ZNF660: variants seen among roughly 807,000 people sequenced by gnomAD.
ZNF660 encodes zinc finger protein 660.
A neutral mutation model predicts 23.2 loss-of-function variants in ZNF660; 24 were observed. The observed-to-expected ratio is 1.04, with a 90% CI of 0.75 to 1.46. The LOEUF is 1.46. ZNF660 is among the 40% of genes most tolerant of loss of function. ZNF660 has a pLI of 0.00. For missense variants in ZNF660, 373 were observed against 396.8 expected, an observed-to-expected ratio of 0.94 and a Z score of 0.51; for synonymous variants, 117 against 131.4, an observed-to-expected ratio of 0.89 and a Z score of 0.75.
In ZNF660 at chr3:44,599,551, A is replaced by C. The variant is rs764887936; in HGVS notation, c.*4362A>C. ...TGATTGTTTTTTCCATTTAATATAAAATTTAAAAGATGCCCATATTGTCAG... is the reference window on the plus strand; with the variant it reads ...TGATTGTTTTTTCCATTTAATATAACATTTAAAAGATGCCCATATTGTCAG... On this transcript the variant is annotated 3_prime_UTR_variant, in exon 3 of 3. Coordinates refer to ENST00000322734, the MANE Select transcript of ZNF660 (RefSeq NM_173658.4). The C allele has an allele frequency of 6.6e-6, 1 of 152,188 alleles. No individual in the cohort carries two copies. The highest frequency in any genetic ancestry group is 1.5e-5 in the Non-Finnish European group (1 of 68,040). The allele number at this position is 152,188 out of a possible 1,614,324, so 9.4% of individuals were successfully genotyped here. A position where few individuals can be genotyped will look rare whatever the true frequency, so the allele number is the denominator to read the frequency against.
At chr3:44,589,649 T>A (rs1434628078) in intron 2 of ZNF660, among the ~76,000 whole-genome samples, 1 of 152,148 alleles carries the variant, frequency 6.6e-6, no homozygotes, top group Non-Finnish European at 1.5e-5. Flanking sequence ...AAAAAGAATA[T>A]AGAATGGAGA....
In ZNF660 at chr3:44,596,306, T is replaced by C. The variant is rs1700606277; in HGVS notation, c.*1117T>C. The C allele has an allele frequency of 6.6e-6, 1 of 152,192 alleles. No individual in the cohort carries two copies. The highest frequency in any genetic ancestry group is 1.5e-5 in the Non-Finnish European group (1 of 68,034). 9.4% of individuals were successfully genotyped at this position (152,192 alleles called of 1,614,324 possible). Reference sequence around the variant, plus strand: ...AGACCTGTGTGTAAAAAAGGAACAATTACCTACCTTACAAGGTTGTTGTGA... The same window carrying C: ...AGACCTGTGTGTAAAAAAGGAACAACTACCTACCTTACAAGGTTGTTGTGA... On this transcript the variant is annotated 3_prime_UTR_variant, in exon 3 of 3. Coordinates refer to ENST00000322734, the MANE Select transcript of ZNF660 (RefSeq NM_173658.4).
At position 44,599,249 on chromosome 3, in the gene ZNF660, T is replaced by C. The variant is rs1700719380; in HGVS notation, c.*4060T>C. 1 of 152,128 alleles carries C rather than the reference T, an allele frequency of 6.6e-6. No individual in the cohort carries two copies. The highest frequency in any genetic ancestry group is 6.5e-5 in the Admixed American group (1 of 15,274). The allele number at this position is 152,128 out of a possible 1,614,324, so 9.4% of individuals were successfully genotyped here. A position where few individuals can be genotyped will look rare whatever the true frequency, so the allele number is the denominator to read the frequency against. Reference sequence around the variant, plus strand: ...ATAAAAATATATATGCTCTTTTTAGTTGAGAGGAAAATACGAAAATCTCAT... The same window carrying C: ...ATAAAAATATATATGCTCTTTTTAGCTGAGAGGAAAATACGAAAATCTCAT... On this transcript the variant is annotated 3_prime_UTR_variant, in exon 3 of 3. Coordinates refer to ENST00000322734, the MANE Select transcript of ZNF660 (RefSeq NM_173658.4).
In ZNF660 at chr3:44,594,665, G is replaced by C. The variant is rs199538006; in HGVS notation, c.472G>C (p.Gly158Arg). 1.9e-6 allele frequency: 3 copies of C among 1,613,956 alleles called. No individual in the cohort carries two copies. The African/African-American group carries it at 4.0e-5, about 22-fold the overall frequency. Reference sequence around the variant, plus strand: ...TATATCACATCACAGAGTTCACACCGGAGAGAAGCCCTATTCTTGTATTGA... The same window carrying C: ...TATATCACATCACAGAGTTCACACCCGAGAGAAGCCCTATTCTTGTATTGA... ...GLISHHRVHT[G>R]EKPYSCIECG... is the part of the protein sequence containing the mutation. Residue 158 changes from glycine to arginine, a missense_variant, in exon 3 of 3, where the codon GGA becomes CGA. Physicochemically the swap from Gly to Arg is moderately radical, Grantham distance 125 (BLOSUM62 -2). Coordinates refer to ENST00000322734, the MANE Select transcript of ZNF660 (RefSeq NM_173658.4).
intron 2 of ZNF660, among the ~76,000 whole-genome samples, chr3:44,587,409 C>T (rs986505029): frequency 5.9e-5 from 9 of 152,186 alleles, no homozygotes; most frequent in Non-Finnish European, 1.3e-4. Flanking sequence ...CATACATTCA[C>T]TGGCTGTCTG....
Position 44,595,492 on chromosome 3 carries a change from G to A in ZNF660, c.*303G>A. 1 of 238,238 alleles carries A rather than the reference G, an allele frequency of 4.2e-6. No homozygotes were observed. The highest frequency in any genetic ancestry group is 8.7e-6 in the Non-Finnish European group (1 of 114,674). The allele number at this position is 238,238 out of a possible 1,614,324, so 14.8% of individuals were successfully genotyped here. A position where few individuals can be genotyped will look rare whatever the true frequency, so the allele number is the denominator to read the frequency against. On this transcript the variant is annotated 3_prime_UTR_variant, in exon 3 of 3. Coordinates refer to ENST00000322734, the MANE Select transcript of ZNF660 (RefSeq NM_173658.4). ...GGGGAAATGATTGGATAAGACGGAA[G>A]ATAATGACATACAATCCAAAATTTA...
intron 2 of ZNF660, among the ~76,000 whole-genome samples, chr3:44,589,109 A>G (rs989435935): frequency 6.6e-6 from 1 of 152,188 alleles, no homozygotes. Context: ...ACAAACGTTT[A>G]TTGGGTACCT....
In ZNF660 at chr3:44,594,813, A is replaced by T. The variant is rs1167346534; in HGVS notation, c.620A>T (p.Asp207Val). The part of the protein sequence containing the change: ...KTCGSNTKIM[D>V]HQRIHTGEKP... ...TGTGGTTCTAATACAAAGATTATGG[A>T]CCATCAGAGAATTCACACTGGAGAG... Residue 207 changes from aspartate (D) to valine (V), a missense_variant, in exon 3 of 3, where the codon GAC becomes GTC. Physicochemically the swap from Asp to Val is radical, Grantham distance 152 (BLOSUM62 -3). Transcript: ENST00000322734. 1.2e-6 allele frequency: 2 copies of T among 1,614,158 alleles called. No individual in the cohort carries two copies. The highest frequency in any genetic ancestry group is 2.7e-5 in the African/African-American group (2 of 75,048).
rs1429642117 is a variant in ZNF660, at chr3:44,598,242, G to A, written c.*3053G>A. The A allele has an allele frequency of 6.6e-6, 1 of 150,504 alleles. No homozygotes were observed. Among genetic ancestry groups the A allele is most frequent in the East Asian group, 1.9e-4 (1 of 5,138 alleles). 9.3% of individuals were successfully genotyped at this position (150,504 alleles called of 1,614,324 possible). A position where few individuals can be genotyped will look rare whatever the true frequency, so the allele number is the denominator to read the frequency against. ...AGCTCACCGCAACCTCCAGCTCCCA[G>A]GTTCAAGCAATTCTCCTGCCTCAGC... On this transcript the variant is annotated 3_prime_UTR_variant, in exon 3 of 3. Coordinates refer to ENST00000322734, the MANE Select transcript of ZNF660 (RefSeq NM_173658.4).
In ZNF660 at chr3:44,595,180, A is replaced by C; in HGVS notation, c.987A>C (p.Glu329Asp). 6.4e-7 allele frequency: 1 copy of C among 1,563,336 alleles called. No homozygotes were observed. ...QHQRKHNEEK[E>D]TS ...AGAGGAAACATAATGAGGAGAAAGA[A>C]ACCTCATAAATAACAAATATTGTGG... The change falls in exon 3 of 3, where the codon GAA (glutamate) becomes GAC (aspartate). Residue 329 changes from glutamate to aspartate, a missense_variant. Coordinates refer to ENST00000322734, the MANE Select transcript of ZNF660 (RefSeq NM_173658.4).
chr3:44,592,074 A>G (rs1474404505), intron 2 of ZNF660, among the ~76,000 whole-genome samples: 1 of 152,244 alleles, frequency 6.6e-6, no homozygotes, highest in Non-Finnish European at 1.5e-5. Context: ...GTTAGGAGGA[A>G]TAATTTCAGG....
intron 2 of ZNF660, among the ~76,000 whole-genome samples, chr3:44,593,670 G>A (rs1013256841): frequency 2.7e-5 from 4 of 145,544 alleles, no homozygotes; most frequent in South Asian, 2.2e-4. Flanking sequence ...AGTCAAGATC[G>A]TGCCATTGCA....
chr3:44,592,004 C>T (rs906850109), intron 2 of ZNF660, among the ~76,000 whole-genome samples: 1 of 150,362 alleles, frequency 6.7e-6, no homozygotes, highest in African/African-American at 2.4e-5. Context: ...TCTCAAAAAA[C>T]AAAAAAAAAT....
At position 44,599,671 on chromosome 3, in the gene ZNF660, A is replaced by G. The variant is rs1232994717; in HGVS notation, c.*4482A>G. On this transcript the variant is annotated 3_prime_UTR_variant, in exon 3 of 3. Transcript: ENST00000322734. ...GCAGGAAGTAGTGATAATTCCTTCAATAAACGTCTGCTATTCTTATAAATA... is the reference window on the plus strand; with the variant it reads ...GCAGGAAGTAGTGATAATTCCTTCAGTAAACGTCTGCTATTCTTATAAATA... 1 of 152,214 alleles carries G rather than the reference A, an allele frequency of 6.6e-6. No homozygotes were observed. The highest frequency in any genetic ancestry group is 2.4e-5 in the African/African-American group (1 of 41,442). The allele number at this position is 152,214 out of a possible 1,614,324, so 9.4% of individuals were successfully genotyped here. A position where few individuals can be genotyped will look rare whatever the true frequency, so the allele number is the denominator to read the frequency against.
At chr3:44,590,720 G>T (rs939649) in intron 2 of ZNF660, among the ~76,000 whole-genome samples, 130,759 of 152,272 alleles carry the variant, frequency 0.86, 56,213 homozygotes, top group Middle Eastern at 0.93. Flanking sequence ...CAGAGAAGAT[G>T]AGAAATTGAA....
At position 44,598,728 on chromosome 3, in the gene ZNF660, C is replaced by G. The variant is rs1700705242; in HGVS notation, c.*3539C>G. 6.6e-6 allele frequency: 1 copy of G among 152,308 alleles called. No individual in the cohort carries two copies. The highest frequency in any genetic ancestry group is 1.9e-4 in the East Asian group (1 of 5,178). The allele number at this position is 152,308 out of a possible 1,614,324, so 9.4% of individuals were successfully genotyped here. A position where few individuals can be genotyped will look rare whatever the true frequency, so the allele number is the denominator to read the frequency against. ...CTTCACATTCTTGTTCCAATGGAAACCGGGCTGTTCCCCAAGGGCAGTGCT... is the reference window on the plus strand; with the variant it reads ...CTTCACATTCTTGTTCCAATGGAAAGCGGGCTGTTCCCCAAGGGCAGTGCT... On this transcript the variant is annotated 3_prime_UTR_variant, in exon 3 of 3. Coordinates refer to ENST00000322734, the MANE Select transcript of ZNF660 (RefSeq NM_173658.4).
rs150482203 is a variant in ZNF660, at chr3:44,587,948, G to A, written c.-181+1735G>A. On this transcript the variant is annotated intron_variant, in intron 2 of 2. Transcript: ENST00000322734. ...CACATGCCTGTAATCCCAGCTACTC[G>A]GGAGGCTGAGGCAGAGGAATCACTT... 1.2e-3 allele frequency among the ~76,000 whole-genome samples: 186 copies of A among 152,256 alleles called. 2 individuals carry two copies. The highest frequency in any genetic ancestry group is 4.3e-3 in the African/African-American group (177 of 41,552).
chr3:44,592,958 C>T (rs1231744797), intron 2 of ZNF660, among the ~76,000 whole-genome samples: 1 of 151,906 alleles, frequency 6.6e-6, no homozygotes, highest in Non-Finnish European at 1.5e-5. Flanking sequence ...GAGGCTGAAG[C>T]AGGAGAACGG....
intron 2 of ZNF660, among the ~76,000 whole-genome samples, chr3:44,593,317 G>T (rs922812961): frequency 6.6e-6 from 1 of 152,184 alleles, no homozygotes; most frequent in African/African-American, 2.4e-5. Flanking sequence ...AGTACTAGGG[G>T]AATAGGTTAG....
Sources: allele counts gnomAD v4.1 joint callset (sites outside exome capture counted in the v4.1 genomes callset), GRCh38; gene constraint gnomAD v4.1.1; transcripts MANE v1.5; gene names NCBI Gene and HGNC (gene_info 2026-07-23, HGNC 2026-07-21).